Variants in PAN3 observed in about 807,000 individuals in gnomAD.
The protein encoded by PAN3 is poly(A) specific ribonuclease subunit PAN3, also known as PAN2-PAN3 deadenylation complex subunit PAN3.
In PAN3, 19 loss-of-function variants were observed where a neutral mutation model predicts 96.2. The observed-to-expected ratio is 0.20, with a 90% CI of 0.14 to 0.29. The LOEUF (loss-of-function observed/expected upper bound fraction) is 0.29, where lower values mean the gene tolerates loss of function less well. Ranked by LOEUF, PAN3 falls within the 10% of genes least tolerant of loss-of-function variation. PAN3 has a pLI of 1.00. For missense variants in PAN3, 882 were observed against 1,108.1 expected (o/e 0.80, Z 2.90); for synonymous variants, 433 against 406.6 (o/e 1.06, Z -0.78).
intron 6 of PAN3, among the ~76,000 whole-genome samples, chr13:28,255,194 T>G (rs1885040204): frequency 6.6e-6 from 1 of 152,184 alleles, no homozygotes; most frequent in African/African-American, 2.4e-5. Flanking sequence ...GTGAAGGTTT[T>G]TAGGCATTCA....
chr13:28,240,767 A>G (rs1164247851), intron 6 of PAN3, among the ~76,000 whole-genome samples: 1 of 152,230 alleles, frequency 6.6e-6, no homozygotes, highest in Non-Finnish European at 1.5e-5. Flanking sequence ...ATTTGATTGA[A>G]AAAATGAAAT....
In PAN3 at chr13:28,178,069, TG is replaced by T. The variant is rs1448203818; in HGVS notation, c.690+135del. Reference sequence around the variant, plus strand: ...GGGCTTTAGTGTTTTTCCTGCCTTTTGTTTATCCTTTTTCTTTATCTTTTTA... The same window carrying T: ...GGGCTTTAGTGTTTTTCCTGCCTTTTTTTATCCTTTTTCTTTATCTTTTTA... On this transcript the variant is annotated intron_variant, in intron 4 of 18. Coordinates refer to ENST00000380958, the MANE Select transcript of PAN3 (RefSeq NM_175854.8). The T allele has an allele frequency of 2.7e-5, 19 of 706,222 alleles. No individual in the cohort carries two copies. In the African/African-American group the frequency reaches 2.9e-4, roughly 11 times the overall value. The allele number at this position is 706,222 out of a possible 1,614,324, so 43.7% of individuals were successfully genotyped here. A position where few individuals can be genotyped will look rare whatever the true frequency, so the allele number is the denominator to read the frequency against.
At chr13:28,148,157 T>TAAAC (rs970616611) in intron 1 of PAN3, among the ~76,000 whole-genome samples, 2 of 152,114 alleles carry the variant, frequency 1.3e-5, no homozygotes, top group Admixed American at 6.6e-5. Context: ...GGTCTCCCTG[T>TAAAC]GTTTCCCAGG....
intron 5 of PAN3, among the ~76,000 whole-genome samples, chr13:28,201,216 T>C (rs1042225807): frequency 6.6e-6 from 1 of 151,562 alleles, no homozygotes; most frequent in South Asian, 2.1e-4. Context: ...TTTTTTTTTT[T>C]CACTTTTTGT....
intron 5 of PAN3, among the ~76,000 whole-genome samples, chr13:28,206,652 T>C: frequency 6.6e-6 from 1 of 152,122 alleles, no homozygotes; most frequent in South Asian, 2.1e-4. Flanking sequence ...GCATTCCTCT[T>C]ACTTGCCCTC....
chr13:28,269,382 A>G (rs1481731277), intron 12 of PAN3, among the ~76,000 whole-genome samples: 2 of 152,104 alleles, frequency 1.3e-5, no homozygotes, highest in East Asian at 3.8e-4. Flanking sequence ...TTGTTTGAGT[A>G]GTCGTAACTT....
chr13:28,247,153 A>G (rs966748039), intron 6 of PAN3, among the ~76,000 whole-genome samples: 63 of 151,798 alleles, frequency 4.2e-4, no homozygotes, highest in African/African-American at 1.5e-3. Flanking sequence ...TTTGATTTGC[A>G]TTTCCCTGGT....
intron 5 of PAN3, among the ~76,000 whole-genome samples, chr13:28,217,669 A>G (rs35393479): frequency 1.3e-5 from 2 of 151,910 alleles, no homozygotes; most frequent in Admixed American, 1.3e-4. Context: ...TAATTTTTTT[A>G]AAATGTCCAC....
intron 12 of PAN3, among the ~76,000 whole-genome samples, chr13:28,269,595 CAGTA>C (rs1453163029): frequency 8.6e-5 from 13 of 151,982 alleles, no homozygotes; most frequent in Admixed American, 5.2e-4. Flanking sequence ...GTCTGGCACA[CAGTA>C]AGCACTATAT....
At chr13:28,155,734 T>G (rs757065313) in intron 1 of PAN3, among the ~76,000 whole-genome samples, 3 of 152,186 alleles carry the variant, frequency 2.0e-5, no homozygotes, top group Non-Finnish European at 2.9e-5. Flanking sequence ...TACACACACA[T>G]ATACATAAAA....
chr13:28,257,729 TATATATA>T (rs1885295674), intron 7 of PAN3, among the ~76,000 whole-genome samples: 1 of 136,784 alleles, frequency 7.3e-6, no homozygotes, highest in African/African-American at 2.8e-5. Flanking sequence ...TAATATATAT[TATATATA>T]AATTATATAT....
chr13:28,154,596 G>A (rs529613244), intron 1 of PAN3, among the ~76,000 whole-genome samples: 1 of 152,208 alleles, frequency 6.6e-6, no homozygotes, highest in South Asian at 2.1e-4. Flanking sequence ...TAGGGTTCAA[G>A]TGAGTCTCCC....
chr13:28,236,531 A>G (rs899898052), intron 6 of PAN3, among the ~76,000 whole-genome samples: 6 of 152,228 alleles, frequency 3.9e-5, no homozygotes, highest in Non-Finnish European at 7.3e-5. Context: ...AAAAACTTTC[A>G]TGGAAGAAGA....
chr13:28,271,187 T>A (rs892923874), intron 13 of PAN3, among the ~76,000 whole-genome samples: 6 of 152,200 alleles, frequency 3.9e-5, no homozygotes, highest in Non-Finnish European at 8.8e-5. Context: ...CAGAATCACC[T>A]GGAGGACTTA....
At chr13:28,186,381 C>A (rs545321526) in intron 4 of PAN3, among the ~76,000 whole-genome samples, 31 of 152,260 alleles carry the variant, frequency 2.0e-4, no homozygotes, top group African/African-American at 7.0e-4. Context: ...GTTATTTTAA[C>A]CTTCTCTCAG....
chr13:28,153,714 C>T (rs771529712), intron 1 of PAN3, among the ~76,000 whole-genome samples: 3 of 152,094 alleles, frequency 2.0e-5, no homozygotes, highest in Admixed American at 6.6e-5. Context: ...AACATACACA[C>T]GTACAAAAGA....
intron 4 of PAN3, among the ~76,000 whole-genome samples, chr13:28,180,874 A>G (rs1555273730): frequency 2.6e-5 from 4 of 151,822 alleles, no homozygotes; most frequent in Admixed American, 2.0e-4. Context: ...TTTTTCCCTT[A>G]AATCTAATTG....
chr13:28,254,619 A>G (rs927488106), intron 6 of PAN3, among the ~76,000 whole-genome samples: 12 of 152,310 alleles, frequency 7.9e-5, no homozygotes, highest in African/African-American at 2.6e-4. Context: ...TAACTGTACA[A>G]TATAGAGTTA....
chr13:28,253,255 A>G (rs1279929837), intron 6 of PAN3, among the ~76,000 whole-genome samples: 1 of 152,184 alleles, frequency 6.6e-6, no homozygotes, highest in Admixed American at 6.5e-5. Context: ...ATCCTATTTT[A>G]AACTACTTGT....
Sources: allele counts gnomAD v4.1 joint callset (sites outside exome capture counted in the v4.1 genomes callset), GRCh38; gene constraint gnomAD v4.1.1; transcripts MANE v1.5; gene names NCBI Gene and HGNC (gene_info 2026-07-23, HGNC 2026-07-21).